RBFOX1: variants seen among roughly 807,000 people sequenced by gnomAD.
RBFOX1 encodes the protein RNA binding fox-1 homolog 1.
Under a neutral mutation model 57.7 loss-of-function variants are expected in RBFOX1, and 8 were observed. That is an observed-to-expected ratio of 0.14 (90% confidence interval 0.08 to 0.25). The LOEUF (loss-of-function observed/expected upper bound fraction) is 0.25, where lower values mean the gene tolerates loss of function less well. Ranked by LOEUF, RBFOX1 falls within the 10% of genes least tolerant of loss-of-function variation. The pLI is 1.00. For missense variants in RBFOX1, 611 were observed against 548.5 expected (o/e 1.11, Z -1.14); for synonymous variants, 326 against 222.4 (o/e 1.47, Z -4.15).
At chr16:5,719,661 G>A (rs1281320513) in intron 3 of RBFOX1, among the ~76,000 whole-genome samples, 4 of 152,064 alleles carry the variant, frequency 2.6e-5, no homozygotes, top group Admixed American at 1.3e-4. Flanking sequence ...AAATCATACC[G>A]TAGGTGGCCT....
intron 10 of RBFOX1, among the ~76,000 whole-genome samples, chr16:7,630,196 A>C (rs112969778): frequency 2.0e-5 from 3 of 152,094 alleles, no homozygotes; most frequent in Non-Finnish European, 2.9e-5. Flanking sequence ...AGATGGAAAC[A>C]CTGAGGCACA....
chr16:5,879,951 G>A (rs963101645), intron 4 of RBFOX1, among the ~76,000 whole-genome samples: 2 of 152,188 alleles, frequency 1.3e-5, no homozygotes, highest in Admixed American at 6.5e-5. Flanking sequence ...CAGCTAGAAC[G>A]TATCTCAGGG....
At chr16:6,899,998 C>A (rs1045357852) in intron 3 of RBFOX1, among the ~76,000 whole-genome samples, 3 of 152,108 alleles carry the variant, frequency 2.0e-5, no homozygotes, top group Non-Finnish European at 4.4e-5. Context: ...GCTTCTGTTT[C>A]CTTATTTATA....
At chr16:6,814,277 G>T (rs1056616662) in intron 3 of RBFOX1, among the ~76,000 whole-genome samples, 1 of 151,874 alleles carries the variant, frequency 6.6e-6, no homozygotes, top group Non-Finnish European at 1.5e-5. Context: ...GTCTAAGAGA[G>T]TCAGAAATGT....
intron 1 of RBFOX1, among the ~76,000 whole-genome samples, chr16:6,195,308 A>G (rs1000542368): frequency 6.6e-6 from 1 of 152,156 alleles, no homozygotes; most frequent in Non-Finnish European, 1.5e-5. Context: ...CCTCCATTTT[A>G]ACTCTTGACT....
At chr16:7,595,516 C>T (rs1216397629) in intron 7 of RBFOX1, 33 bp from the exon 8 acceptor site, 2 of 1,478,318 alleles carry the variant, frequency 1.4e-6, no homozygotes, top group Non-Finnish European at 1.8e-6. Flanking sequence ...TAATAATCTG[C>T]ATGTTGTTTT....
intron 4 of RBFOX1, among the ~76,000 whole-genome samples, chr16:7,432,045 C>T (rs941986142): frequency 6.6e-6 from 1 of 152,198 alleles, no homozygotes; most frequent in Admixed American, 6.5e-5. Flanking sequence ...ACACCCAGCC[C>T]AGTGGGAAGG....
At chr16:6,258,156 A>G (rs919135089) in intron 1 of RBFOX1, among the ~76,000 whole-genome samples, 5 of 152,210 alleles carry the variant, frequency 3.3e-5, no homozygotes, top group African/African-American at 1.2e-4. Flanking sequence ...ACTCCTTACA[A>G]TTGTCCATTT....
At chr16:5,876,969 T>C (rs1303980257) in intron 4 of RBFOX1, among the ~76,000 whole-genome samples, 2 of 152,206 alleles carry the variant, frequency 1.3e-5, no homozygotes, top group Non-Finnish European at 2.9e-5. Context: ...AGTGCTGGGA[T>C]GTTCAGAATC....
chr16:6,172,955 TC>T (rs1408082701), intron 1 of RBFOX1, among the ~76,000 whole-genome samples: 6 of 152,306 alleles, frequency 3.9e-5, no homozygotes, highest in African/African-American at 1.4e-4. Context: ...TCCTGAGGCA[TC>T]CTGCAGACCT....
At chr16:6,957,116 T>TTTTTTTATTTATTTATTTA (rs574831673) in intron 3 of RBFOX1, among the ~76,000 whole-genome samples, 19 of 139,252 alleles carry the variant, frequency 1.4e-4, no homozygotes, top group South Asian at 9.0e-4. Context: ...TTATTTTTAT[T>TTTTTTTATTTATTTATTTA]TTTATTTATT....
intron 3 of RBFOX1, among the ~76,000 whole-genome samples, chr16:6,800,137 C>G (rs566537473): frequency 1.3e-5 from 2 of 152,226 alleles, no homozygotes; most frequent in South Asian, 2.1e-4. Flanking sequence ...CCTAGTCCTA[C>G]TGGTTTGGGC....
At chr16:7,322,176 C>T (rs1258124721) in intron 4 of RBFOX1, among the ~76,000 whole-genome samples, 1 of 152,218 alleles carries the variant, frequency 6.6e-6, no homozygotes, top group Non-Finnish European at 1.5e-5. Flanking sequence ...CAGAGAGAAG[C>T]CATCTCCTGT....
intron 4 of RBFOX1, among the ~76,000 whole-genome samples, chr16:7,338,508 C>T (rs2096835084): frequency 6.6e-6 from 1 of 152,218 alleles, no homozygotes; most frequent in South Asian, 2.1e-4. Context: ...TAATCCTCAG[C>T]CTCCTGAGTA....
rs1038183725 is a variant in RBFOX1, at chr16:7,079,090, A to G, written c.27+26992A>G. Among the ~76,000 whole-genome samples, 17 of 151,846 alleles carry G rather than the reference A, an allele frequency of 1.1e-4. 1 individual carries two copies. The highest frequency in any genetic ancestry group is 3.9e-4 in the African/African-American group (16 of 41,338). On this transcript the variant is annotated intron_variant, in intron 4 of 15. Coordinates refer to ENST00000550418, the MANE Select transcript of RBFOX1 (RefSeq NM_018723.4). ...CAGCCTGAAGTCTTTATTTACGTGT[A>G]TCTATCCCATATGGTGTACCATTCT...
chr16:5,848,351 G>T (rs758743176), intron 3 of RBFOX1, among the ~76,000 whole-genome samples: 3 of 152,136 alleles, frequency 2.0e-5, no homozygotes, highest in Non-Finnish European at 2.9e-5. Flanking sequence ...TCTGGCTCTG[G>T]ATCTCTGGTC....
intron 2 of RBFOX1, among the ~76,000 whole-genome samples, chr16:6,528,349 A>T (rs1012828577): frequency 6.6e-6 from 1 of 152,146 alleles, no homozygotes; most frequent in African/African-American, 2.4e-5. Context: ...AAGCTGCCTA[A>T]CTGTTTGCAC....
chr16:7,457,250 C>T (rs190033294), intron 4 of RBFOX1, among the ~76,000 whole-genome samples: 2 of 152,186 alleles, frequency 1.3e-5, no homozygotes, highest in African/African-American at 4.8e-5. Flanking sequence ...CTCCAGATAT[C>T]CAGGAGGTCA....
chr16:5,587,834 T>A lies in RBFOX1; in HGVS notation c.259-11068T>A, dbSNP rs140963753. Among the ~76,000 whole-genome samples, 1,005 of 152,342 alleles carry A rather than the reference T, an allele frequency of 6.6e-3. 11 individuals carry two copies. The highest frequency in any genetic ancestry group is 0.023 in the African/African-American group (938 of 41,584). ...AAATATTAAGCAAAGAGTTGTCGTA[T>A]AAGCCAGAAATTCTACTTCCATGTA... is the stretch of plus-strand genomic sequence containing the variant. On this transcript the variant is annotated intron_variant, in intron 2 of 2. Coordinates refer to the RBFOX1 transcript ENST00000585867.
Sources: gnomAD v4.1 joint callset for allele counts (sites outside exome capture counted in the v4.1 genomes callset) on GRCh38, gnomAD v4.1.1 for gene constraint, MANE v1.5 for transcripts, NCBI Gene and HGNC (gene_info 2026-07-23, HGNC 2026-07-21) for gene names.